Variants in C12orf50 observed in about 807,000 individuals in gnomAD.
C12orf50 encodes zinc finger CCCH-type containing 11D.
Under a neutral mutation model 61.6 loss-of-function variants are expected in C12orf50, and 35 were observed. The ratio of observed to expected loss-of-function variants is 0.57; its 90% CI spans 0.43 to 0.75. The LOEUF (loss-of-function observed/expected upper bound fraction) is 0.75, where lower values mean the gene tolerates loss of function less well. Ranked by LOEUF, C12orf50 falls within the 30% of genes least tolerant of loss-of-function variation. The pLI is 0.00. For synonymous variants in C12orf50, 178 were observed against 161.5 expected, an observed-to-expected ratio of 1.10 and a Z score of -0.77; for missense variants, 475 against 488.5, an observed-to-expected ratio of 0.97 and a Z score of 0.26.
chr12:87,989,383 C>T lies in C12orf50; in HGVS notation c.593-12G>A. On this transcript the variant is annotated splice_polypyrimidine_tract_variant and intron_variant, in intron 7 of 12. Transcript: ENST00000298699. Reference sequence around the variant, plus strand: ...ATAACAGTCACCTCCTATGACAAAACCTTACTGTCAGTGGCAACAATGGCA... The same window carrying T: ...ATAACAGTCACCTCCTATGACAAAATCTTACTGTCAGTGGCAACAATGGCA... 3.8e-6 allele frequency: 6 copies of T among 1,590,534 alleles called. No individual in the cohort carries two copies. The highest frequency in any genetic ancestry group is 5.2e-6 in the Non-Finnish European group (6 of 1,161,206).
At chr12:88,021,296 A>G (rs1182797074) in intron 3 of C12orf50, among the ~76,000 whole-genome samples, 4 of 27,200 alleles carry the variant, frequency 1.5e-4, no homozygotes, top group African/African-American at 3.8e-4. Context: ...CTAGACTAAT[A>G]AAGACAAAAA....
At chr12:87,993,617 C>A (rs1016479747) in intron 7 of C12orf50, among the ~76,000 whole-genome samples, 1 of 152,094 alleles carries the variant, frequency 6.6e-6, no homozygotes, top group African/African-American at 2.4e-5. Context: ...ATGGCTGACA[C>A]CAGGACAGCA....
At chr12:88,018,066 T>G (rs985638887) in intron 3 of C12orf50, among the ~76,000 whole-genome samples, 2 of 152,226 alleles carry the variant, frequency 1.3e-5, no homozygotes, top group Non-Finnish European at 2.9e-5. Flanking sequence ...ATAAGCCGAA[T>G]GTTAATCCCC....
intron 10 of C12orf50, 56 bp downstream of exon 10, chr12:87,986,256 T>G: frequency 7.4e-7 from 1 of 1,349,080 alleles, no homozygotes; most frequent in Non-Finnish European, 1.0e-6. Context: ...AGATATTTGA[T>G]ATTTAATCTC....
At chr12:87,983,303 T>C (rs939024389) in intron 11 of C12orf50, 108 bp from the exon 12 acceptor site, 134 of 586,858 alleles carry the variant, frequency 2.3e-4, no homozygotes, top group Non-Finnish European at 3.4e-4. Context: ...TCTAAGTAAT[T>C]CATTTTACCA....
chr12:88,018,617 G>T (rs1452340886), intron 3 of C12orf50, among the ~76,000 whole-genome samples: 1 of 152,218 alleles, frequency 6.6e-6, no homozygotes, highest in African/African-American at 2.4e-5. Flanking sequence ...GCCTGGAAAA[G>T]CCACAGACAC....
chr12:87,988,693 A>T (rs1436512017), intron 8 of C12orf50, among the ~76,000 whole-genome samples: 1 of 152,156 alleles, frequency 6.6e-6, no homozygotes. Flanking sequence ...GATGGTAGAT[A>T]AAATGGGTTT....
intron 4 of C12orf50, 64 bp downstream of exon 4, chr12:87,997,971 C>A: frequency 7.5e-7 from 1 of 1,339,556 alleles, no homozygotes; most frequent in South Asian, 1.4e-5. Flanking sequence ...TACAGTTAAA[C>A]ACATATGTAA....
rs760669894 is a variant in C12orf50, at chr12:87,994,757, GA to G, written c.482-15del. 1.9e-4 allele frequency: 287 copies of G among 1,526,866 alleles called. 4 individuals carry two copies. In the South Asian group the frequency reaches 2.4e-3, roughly 13 times the overall value. 94.6% of individuals were successfully genotyped at this position (1,526,866 alleles called of 1,614,324 possible). ...TAAGACTATCTCCTAGAAATAAGAA[GA>G]AAAAAAAGTCACCCCAGAAATTATT... On this transcript the variant is annotated splice_polypyrimidine_tract_variant and intron_variant, in intron 6 of 12. Transcript: ENST00000298699.
chr12:88,000,836 C>T (rs945775550), intron 3 of C12orf50, among the ~76,000 whole-genome samples: 5 of 151,794 alleles, frequency 3.3e-5, no homozygotes, highest in African/African-American at 1.2e-4. Flanking sequence ...AGTTTGTTCA[C>T]TGCTACTGTA....
chr12:88,023,967 G>A (rs574741363), intron 3 of C12orf50, among the ~76,000 whole-genome samples: 359 of 152,252 alleles, frequency 2.4e-3, no homozygotes, highest in Non-Finnish European at 3.9e-3. Context: ...TAAAAAGTGG[G>A]AAAAGCACGT....
At chr12:88,017,127 A>G (rs2136480641) in intron 3 of C12orf50, among the ~76,000 whole-genome samples, 1 of 152,340 alleles carries the variant, frequency 6.6e-6, no homozygotes, top group East Asian at 1.9e-4. Context: ...GGTGTGTGAT[A>G]TAGTTTGACT....
At chr12:87,995,229 A>G (rs184451531) in intron 6 of C12orf50, among the ~76,000 whole-genome samples, 120 of 152,288 alleles carry the variant, frequency 7.9e-4, no homozygotes, top group African/African-American at 2.5e-3. Context: ...TAAAAGAGAC[A>G]TGACAACCTA....
intron 11 of C12orf50, 114 bp from the exon 12 acceptor site, chr12:87,983,309 T>TTCAAA: frequency 1.8e-6 from 1 of 570,366 alleles, no homozygotes; most frequent in South Asian, 3.3e-5. Context: ...TAATTCATTT[T>TTCAAA]ACCATTTCAA....
chr12:88,011,205 A>G (rs2032097107), intron 3 of C12orf50, among the ~76,000 whole-genome samples: 1 of 151,936 alleles, frequency 6.6e-6, no homozygotes, highest in East Asian at 1.9e-4. Context: ...AAAGTGTATC[A>G]GAGTTTTTTT....
intron 9 of C12orf50, 99 bp from the exon 10 acceptor site, chr12:87,986,515 C>T (rs1490556331): frequency 3.8e-6 from 3 of 791,546 alleles, no homozygotes; most frequent in South Asian, 4.3e-5. Context: ...ACATGTCAAG[C>T]AAGAGGAAAA....
At chr12:87,990,663 C>T (rs11104706) in intron 7 of C12orf50, among the ~76,000 whole-genome samples, 17,639 of 151,906 alleles carry the variant, frequency 0.12, 1,199 homozygotes, top group African/African-American at 0.18. Flanking sequence ...ACACTTACTA[C>T]GGATTTTTCC....
At chr12:87,993,495 A>G (rs1486840646) in intron 7 of C12orf50, among the ~76,000 whole-genome samples, 3 of 152,184 alleles carry the variant, frequency 2.0e-5, no homozygotes, top group Non-Finnish European at 4.4e-5. Context: ...AAACAATTAC[A>G]GCTAGACTAA....
intron 7 of C12orf50, 107 bp from the exon 8 acceptor site, chr12:87,989,478 G>A (rs2136413652): frequency 2.8e-6 from 2 of 705,540 alleles, no homozygotes; most frequent in Non-Finnish European, 2.4e-6. Flanking sequence ...ACCTTTCTTT[G>A]GACACTTCTC....
Sources: gnomAD v4.1 joint callset for allele counts (sites outside exome capture counted in the v4.1 genomes callset) on GRCh38, gnomAD v4.1.1 for gene constraint, MANE v1.5 for transcripts, NCBI Gene and HGNC (gene_info 2026-07-23, HGNC 2026-07-21) for gene names.